The following BPIFC variants were observed in gnomAD, a reference collection of about 807,000 sequenced individuals.
The protein encoded by BPIFC is BPI fold containing family C, also known as BPI fold-containing family C protein.
Under a neutral mutation model 57.6 loss-of-function variants are expected in BPIFC, and 60 were observed. That is an observed-to-expected ratio of 1.04 (90% confidence interval 0.85 to 1.29). BPIFC has a LOEUF of 1.29. Ranked by LOEUF, BPIFC falls within the 50% of genes most tolerant of loss-of-function variation. BPIFC has a pLI of 0.00. For missense variants in BPIFC, 581 were observed against 600.5 expected (o/e 0.97, Z 0.34); for synonymous variants, 243 against 224.5 (o/e 1.08, Z -0.74).
At position 32,461,585 on chromosome 22, in the gene BPIFC, G is replaced by C; in HGVS notation, c.-12C>G. 1 of 985,496 alleles carries C rather than the reference G, an allele frequency of 1.0e-6. No individual in the cohort carries two copies. Among genetic ancestry groups the C allele is most frequent in the Non-Finnish European group, 1.2e-6 (1 of 829,976 alleles). 61.0% of individuals were successfully genotyped at this position (985,496 alleles called of 1,614,324 possible). A position where few individuals can be genotyped will look rare whatever the true frequency, so the allele number is the denominator to read the frequency against. On this transcript the variant is annotated 5_prime_UTR_variant, in exon 2 of 17. Coordinates refer to ENST00000300399, the MANE Select transcript of BPIFC (RefSeq NM_174932.3). ...ATGGATGCATGTACCTCCTGCAGGA[G>C]CTAGATCCAGCTGATCTTCTGCTGT... is the stretch of plus-strand genomic sequence containing the variant.
At chr22:32,433,827 C>T in intron 10 of BPIFC, 55 bp from the exon 11 acceptor site, 1 of 1,467,088 alleles carries the variant, frequency 6.8e-7, no homozygotes, top group Non-Finnish European at 9.5e-7. Context: ...ATTGTCTTTT[C>T]AGGGAAAATG....
At chr22:32,426,665 G>A (rs539309271) in intron 13 of BPIFC, among the ~76,000 whole-genome samples, 16 of 152,298 alleles carry the variant, frequency 1.1e-4, no homozygotes, top group African/African-American at 3.8e-4. Context: ...GCCGAGGCGG[G>A]TGGATCACCT....
At chr22:32,430,397 G>T (rs1934205712) in intron 13 of BPIFC, among the ~76,000 whole-genome samples, 1 of 151,616 alleles carries the variant, frequency 6.6e-6, no homozygotes, top group Non-Finnish European at 1.5e-5. Context: ...TGATAAAGAA[G>T]AACTGAAGTT....
intron 3 of BPIFC, among the ~76,000 whole-genome samples, chr22:32,455,646 G>A (rs11704805): frequency 0.13 from 19,835 of 152,172 alleles, 1,738 homozygotes; most frequent in Non-Finnish European, 0.19. Context: ...GAGCTTGGAG[G>A]AACAGGGAGT....
chr22:32,445,712 TGAAAAA>T lies in BPIFC; in HGVS notation c.531-20_531-15del. On this transcript the variant is annotated splice_polypyrimidine_tract_variant and intron_variant, in intron 6 of 16. Transcript: ENST00000300399. ...TTATACAGAACACTGAGGAAAAAAA[TGAAAAA>T]AAAAAAAAAAAAAAAAAGAGGTTAC... is the stretch of plus-strand genomic sequence containing the variant. The T allele has an allele frequency of 5.9e-6, 1 of 169,418 alleles. No homozygotes were observed. The highest frequency in any genetic ancestry group is 8.1e-6 in the Non-Finnish European group (1 of 123,380). 10.5% of individuals were successfully genotyped at this position (169,418 alleles called of 1,614,324 possible).
rs774969863 is a variant in BPIFC at position 32,432,517 on chromosome 22, C to T, written c.1005G>A (p.Gln335=). 10 of 1,614,046 alleles carry T rather than the reference C, an allele frequency of 6.2e-6. No homozygotes were observed. Among genetic ancestry groups the T allele is most frequent in the Non-Finnish European group, 8.5e-6 (10 of 1,180,002 alleles). Residue 335 remains glutamine, a synonymous_variant, in exon 12 of 17, where the codon CAG becomes CAA. Transcript: ENST00000300399. The part of the protein sequence containing the change: ...SRIAEIYILS[Q]PFMVRIMATE... Reference sequence around the variant, plus strand: ...TGGCCATGATCCTCACCATGAAGGGCTGGGACAAGATGTAGATCTCTGCAA... The same window carrying T: ...TGGCCATGATCCTCACCATGAAGGGTTGGGACAAGATGTAGATCTCTGCAA...
At chr22:32,444,534 A>G (rs1280032124) in intron 7 of BPIFC, among the ~76,000 whole-genome samples, 1 of 152,128 alleles carries the variant, frequency 6.6e-6, no homozygotes, top group Non-Finnish European at 1.5e-5. Flanking sequence ...CTCCCCCAAA[A>G]TACAGGTAAA....
intron 13 of BPIFC, among the ~76,000 whole-genome samples, chr22:32,425,062 G>A (rs556044469): frequency 4.6e-5 from 7 of 152,184 alleles, no homozygotes; most frequent in South Asian, 4.1e-4. Context: ...GATTATAGGC[G>A]TGAGCCACCA....
At chr22:32,437,276 T>C (rs1569451732) in intron 9 of BPIFC, among the ~76,000 whole-genome samples, 1 of 152,240 alleles carries the variant, frequency 6.6e-6, no homozygotes, top group Non-Finnish European at 1.5e-5. Flanking sequence ...AAGAGTCTTT[T>C]GAAAAGGTGT....
chr22:32,439,874 C>T (rs1386482426), intron 8 of BPIFC, among the ~76,000 whole-genome samples: 1 of 152,176 alleles, frequency 6.6e-6, no homozygotes, highest in Admixed American at 6.5e-5. Context: ...CTCAGCTTCC[C>T]AAAGTGCTGG....
At chr22:32,422,827 C>G (rs901151639) in intron 13 of BPIFC, among the ~76,000 whole-genome samples, 3 of 152,074 alleles carry the variant, frequency 2.0e-5, no homozygotes, top group South Asian at 2.1e-4. Flanking sequence ...GGGGGGAAAA[C>G]AAGTTTCCCT....
chr22:32,432,884 G>T (rs927104680), intron 11 of BPIFC, among the ~76,000 whole-genome samples: 1 of 152,146 alleles, frequency 6.6e-6, no homozygotes, highest in Admixed American at 6.5e-5. Context: ...GGTTCTAGGG[G>T]AATAAGTGGT....
At chr22:32,433,604 C>A in intron 11 of BPIFC, 115 bp downstream of exon 11, 2 of 869,658 alleles carry the variant, frequency 2.3e-6, no homozygotes, top group Admixed American at 2.4e-5. Context: ...GAAAAAACTC[C>A]CAATAATAGA....
intron 13 of BPIFC, among the ~76,000 whole-genome samples, chr22:32,426,250 G>T (rs960332121): frequency 1.3e-5 from 2 of 152,138 alleles, no homozygotes; most frequent in Admixed American, 6.5e-5. Context: ...CCACCCACTT[G>T]ATCCTTTTCC....
chr22:32,421,854 G>A (rs999749821), intron 13 of BPIFC, among the ~76,000 whole-genome samples: 2 of 152,192 alleles, frequency 1.3e-5, no homozygotes, highest in African/African-American at 2.4e-5. Flanking sequence ...AAACAATTTC[G>A]TGGAGTCAAA....
Position 32,421,526 on chromosome 22 carries a change from C to T in BPIFC, c.1218-2122G>A, listed in dbSNP as rs190940682. Among the ~76,000 whole-genome samples, 64 of 152,300 alleles carry T rather than the reference C, an allele frequency of 4.2e-4. No individual in the cohort carries two copies. The East Asian group carries it at 0.012, about 28-fold the overall frequency. ...GTTTCCACTATTGACCCTTTCCAAT[C>T]CATCTTCTACACCATCCCCAGGGGA... On this transcript the variant is annotated intron_variant, in intron 13 of 16. Transcript: ENST00000300399.
At chr22:32,451,810 G>T (rs1038358025) in intron 4 of BPIFC, among the ~76,000 whole-genome samples, 1 of 152,040 alleles carries the variant, frequency 6.6e-6, no homozygotes, top group African/African-American at 2.4e-5. Flanking sequence ...CATTATTACT[G>T]TAATTAAATA....
intron 3 of BPIFC, among the ~76,000 whole-genome samples, chr22:32,455,085 T>C (rs970795727): frequency 1.4e-5 from 2 of 138,482 alleles, no homozygotes; most frequent in Non-Finnish European, 3.0e-5. Flanking sequence ...AGAGTCTCGC[T>C]CTGTCACCAG....
At chr22:32,462,071 G>A (rs187671309) in intron 1 of BPIFC, among the ~76,000 whole-genome samples, 5 of 149,202 alleles carry the variant, frequency 3.4e-5, no homozygotes, top group African/African-American at 9.8e-5. Flanking sequence ...GTGGGAGGCT[G>A]AGGCAGGAGA....
Sources: gnomAD v4.1 joint callset for allele counts (sites outside exome capture counted in the v4.1 genomes callset) on GRCh38, gnomAD v4.1.1 for gene constraint, MANE v1.5 for transcripts, NCBI Gene and HGNC (gene_info 2026-07-23, HGNC 2026-07-21) for gene names.